Variants in JMJD1C observed in about 807,000 individuals in gnomAD.
JMJD1C encodes the protein jumonji domain containing 1C, also known as jumonji domain-containing protein 1C.
A neutral mutation model predicts 245.3 loss-of-function variants in JMJD1C; 31 were observed. That is an observed-to-expected ratio of 0.13 (90% CI 0.09 to 0.17). JMJD1C has a LOEUF of 0.17. Among genes scored for constraint, JMJD1C ranks in the 10% least tolerant of loss-of-function variants. The pLI is 1.00. For missense variants in JMJD1C, 2,691 were observed against 3,000.2 expected, an observed-to-expected ratio of 0.90 and a Z score of 2.41; for synonymous variants, 1,057 against 1,017.4, an observed-to-expected ratio of 1.04 and a Z score of -0.74.
At chr10:63,255,002 C>A (rs545961180) in intron 3 of JMJD1C, among the ~76,000 whole-genome samples, 2 of 152,114 alleles carry the variant, frequency 1.3e-5, no homozygotes, top group South Asian at 4.2e-4. Flanking sequence ...TATACACGTG[C>A]ACCACCATGC....
chr10:63,406,536 G>C (rs1307660925), intron 1 of JMJD1C, among the ~76,000 whole-genome samples: 1 of 151,950 alleles, frequency 6.6e-6, no homozygotes, highest in Non-Finnish European at 1.5e-5. Flanking sequence ...GCTACACCAA[G>C]AGGTAATTTT....
At chr10:63,512,270 T>C (rs1357889789) in intron 1 of JMJD1C, among the ~76,000 whole-genome samples, 2 of 151,218 alleles carry the variant, frequency 1.3e-5, no homozygotes. Context: ...TGACCTATAT[T>C]ATTTTCCTTC....
At chr10:63,243,419 G>C (rs1851775821) in intron 3 of JMJD1C, among the ~76,000 whole-genome samples, 1 of 151,894 alleles carries the variant, frequency 6.6e-6, no homozygotes, top group Non-Finnish European at 1.5e-5. Flanking sequence ...CCAGCTACTT[G>C]GGAGGCTGAG....
chr10:63,295,019 T>C (rs1859199586), intron 2 of JMJD1C, among the ~76,000 whole-genome samples: 1 of 121,790 alleles, frequency 8.2e-6, no homozygotes, highest in South Asian at 3.1e-4. Flanking sequence ...TCTTAGGTCA[T>C]CAAATTTAAA....
At chr10:63,485,381 A>G (rs1262482424) in intron 1 of JMJD1C, among the ~76,000 whole-genome samples, 3 of 152,140 alleles carry the variant, frequency 2.0e-5, no homozygotes, top group African/African-American at 7.2e-5. Context: ...AGCCTTTCTT[A>G]CAGTCTCCAT....
At chr10:63,486,685 T>C (rs1448008033) in intron 1 of JMJD1C, among the ~76,000 whole-genome samples, 1 of 152,120 alleles carries the variant, frequency 6.6e-6, no homozygotes. Flanking sequence ...TTACAGTACA[T>C]TTCTTGAAAA....
intron 2 of JMJD1C, among the ~76,000 whole-genome samples, chr10:63,330,451 AT>A (rs1942024693): frequency 6.6e-6 from 1 of 152,218 alleles, no homozygotes; most frequent in Non-Finnish European, 1.5e-5. Context: ...TTCTAAAAAA[AT>A]GAAAGTATTA....
chr10:63,358,751 T>A (rs757724620), intron 2 of JMJD1C: 6 of 152,442 alleles, frequency 3.9e-5, no homozygotes, highest in Non-Finnish European at 7.4e-5. Flanking sequence ...TAGAAGAGAA[T>A]GCAATACCTC....
In JMJD1C at chr10:63,214,491, T is replaced by G; in HGVS notation, c.1676A>C (p.Lys559Thr). The change falls in exon 8 of 26, where the codon AAA becomes ACA. Residue 559 changes from lysine (K) to threonine (T), a missense_variant. Lys to Thr is a moderately conservative substitution (Grantham distance 78). Around this residue, in one of 9 missense-constraint regions of JMJD1C, gnomAD observed 1,562 missense variants for 1,490.7 expected, o/e 1.05. Coordinates refer to ENST00000399262, the MANE Select transcript of JMJD1C (RefSeq NM_032776.3). ...ANAKFLETAK[K>T]DSDQSWVSDV... The stretch of plus-strand genomic sequence containing the variant: ...ACTGACCCAGCTCTGGTCAGAATCT[T>G]TTTTTGCTGTTTCCAAGAATTTTGC... The G allele has an allele frequency of 6.2e-7, 1 of 1,614,010 alleles. No homozygotes were observed. The highest frequency in any genetic ancestry group is 2.2e-5 in the East Asian group (1 of 44,872).
At chr10:63,507,360 C>T (rs1455250457) in intron 1 of JMJD1C, among the ~76,000 whole-genome samples, 1 of 152,054 alleles carries the variant, frequency 6.6e-6, no homozygotes, top group Admixed American at 6.6e-5. Context: ...AGTGGCTGTG[C>T]CAGCCGGGTA....
At chr10:63,387,628 A>ATTTTTTTTTTTTTTTTTTTTT (rs1564863555) in intron 1 of JMJD1C, among the ~76,000 whole-genome samples, 9 of 18,524 alleles carry the variant, frequency 4.9e-4, no homozygotes, top group African/African-American at 7.2e-4. Context: ...AGAAAAAAAA[A>ATTTTTTTTTTTTTTTTTTTTT]ATTTTTTTTT....
chr10:63,181,334 G>A (rs78500223), intron 22 of JMJD1C, among the ~76,000 whole-genome samples: 12 of 152,056 alleles, frequency 7.9e-5, no homozygotes, highest in African/African-American at 2.7e-4. Flanking sequence ...TACATGAGGC[G>A]GGGGAGGCAT....
chr10:63,410,004 TAATA>T (rs1469112818), intron 1 of JMJD1C, among the ~76,000 whole-genome samples: 1 of 152,104 alleles, frequency 6.6e-6, no homozygotes, highest in Non-Finnish European at 1.5e-5. Flanking sequence ...ACAGAGGAAG[TAATA>T]AATATATATT....
chr10:63,266,032 C>A lies in JMJD1C; in HGVS notation c.334-1268G>T, dbSNP rs570286431. ...TCCTAAGAGGAATTTCAGGTTGACT[C>A]ACTGCAATCTGTAACAATGTTTCAA... On this transcript the variant is annotated intron_variant, in intron 2 of 25. Coordinates refer to ENST00000399262, the MANE Select transcript of JMJD1C (RefSeq NM_032776.3). 1.1e-4 allele frequency among the ~76,000 whole-genome samples: 16 copies of A among 152,068 alleles called. No individual in the cohort carries two copies. In the South Asian group the frequency reaches 3.1e-3, roughly 30 times the overall value.
intron 1 of JMJD1C, among the ~76,000 whole-genome samples, chr10:63,447,714 T>C (rs1330004195): frequency 6.6e-6 from 1 of 151,980 alleles, no homozygotes; most frequent in African/African-American, 2.4e-5. Flanking sequence ...TATAAGTGCA[T>C]TGTCCATCTA....
intron 23 of JMJD1C, chr10:63,177,293 G>C (rs1842950041): frequency 4.8e-6 from 1 of 209,090 alleles, no homozygotes; most frequent in Non-Finnish European, 9.5e-6. Flanking sequence ...TATCAGATGT[G>C]ATAGAGTAGA....
intron 1 of JMJD1C, among the ~76,000 whole-genome samples, chr10:63,391,277 G>GA (rs1051852244): frequency 1.3e-5 from 2 of 152,132 alleles, no homozygotes; most frequent in Admixed American, 1.3e-4. Flanking sequence ...TTGGGAGGCC[G>GA]AGGCGGGTGG....
rs182360385 is a variant in JMJD1C at position 63,285,822 on chromosome 10, G to A, written c.334-21058C>T. On this transcript the variant is annotated intron_variant, in intron 2 of 25. Transcript: ENST00000399262. ...GACCCTGTCTCAGAAACAAACAAAC[G>A]AACAAACAAAACAAAAAAACCTTTC... Among the ~76,000 whole-genome samples, 217 of 152,074 alleles carry A rather than the reference G, an allele frequency of 1.4e-3. 1 individual carries two copies. Among genetic ancestry groups the A allele is most frequent in the Non-Finnish European group, 2.1e-3 (145 of 67,980 alleles).
intron 2 of JMJD1C, among the ~76,000 whole-genome samples, chr10:63,290,788 C>A (rs1858577052): frequency 6.6e-6 from 1 of 151,948 alleles, no homozygotes; most frequent in Non-Finnish European, 1.5e-5. Context: ...GATTGGAATT[C>A]ATGTCACAAT....
Sources: allele counts gnomAD v4.1 joint callset (sites outside exome capture counted in the v4.1 genomes callset), GRCh38; gene constraint gnomAD v4.1.1; regional missense constraint gnomAD v4.1.1; transcripts MANE v1.5; gene names NCBI Gene and HGNC (gene_info 2026-07-23, HGNC 2026-07-21).